Variants in SUPT3H observed in about 807,000 individuals in gnomAD.
The protein encoded by SUPT3H is transcription initiation protein SPT3 homolog.
SUPT3H carries 44 observed loss-of-function variants against 44.3 expected under a neutral mutation model. The ratio of observed to expected loss-of-function variants is 0.99; its 90% CI spans 0.78 to 1.28. SUPT3H has a LOEUF of 1.28. Among genes scored for constraint, SUPT3H ranks in the 50% most tolerant of loss-of-function variants. SUPT3H has a pLI of 0.00. For synonymous variants in SUPT3H, 124 were observed against 125.6 expected (o/e 0.99, Z 0.09); for missense variants, 380 against 387.1 (o/e 0.98, Z 0.15).
At chr6:45,232,278 G>A (rs1768202420) in intron 2 of SUPT3H, among the ~76,000 whole-genome samples, 2 of 152,190 alleles carry the variant, frequency 1.3e-5, no homozygotes, top group African/African-American at 4.8e-5. Flanking sequence ...TTATCGGTGT[G>A]TGCAGTAGTG....
At chr6:45,207,138 G>C (rs1327937368) in intron 2 of SUPT3H, among the ~76,000 whole-genome samples, 1 of 152,140 alleles carries the variant, frequency 6.6e-6, no homozygotes, top group Non-Finnish European at 1.5e-5. Flanking sequence ...ACATCTAGGA[G>C]ATGAGTAGAA....
intron 3 of SUPT3H, among the ~76,000 whole-genome samples, chr6:45,037,804 C>CA (rs201001723): frequency 0.022 from 2,842 of 131,612 alleles, 124 homozygotes; most frequent in East Asian, 0.16. Flanking sequence ...AACTCAGTCT[C>CA]AAAAAAAAAA....
At chr6:45,156,748 A>T (rs988413190) in intron 2 of SUPT3H, among the ~76,000 whole-genome samples, 1 of 150,988 alleles carries the variant, frequency 6.6e-6, no homozygotes, top group Non-Finnish European at 1.5e-5. Flanking sequence ...GTTTTCTCTT[A>T]ATATATATAT....
intron 2 of SUPT3H, among the ~76,000 whole-genome samples, chr6:45,108,282 C>T (rs974209885): frequency 2.6e-5 from 4 of 152,166 alleles, no homozygotes; most frequent in Non-Finnish European, 4.4e-5. Context: ...TTGAGACCAG[C>T]CTGGGCAACA....
intron 10 of SUPT3H, among the ~76,000 whole-genome samples, chr6:44,900,280 A>G (rs1764765820): frequency 6.6e-6 from 1 of 152,204 alleles, no homozygotes; most frequent in African/African-American, 2.4e-5. Flanking sequence ...TAGTCAAAGA[A>G]AGGGGTGACA....
intron 2 of SUPT3H, among the ~76,000 whole-genome samples, chr6:45,220,448 A>G (rs1053421210): frequency 1.3e-5 from 2 of 152,120 alleles, no homozygotes; most frequent in African/African-American, 4.8e-5. Context: ...AACAACCAAA[A>G]AATGACAGCT....
chr6:44,888,566 C>T (rs1044299301), intron 10 of SUPT3H, among the ~76,000 whole-genome samples: 13 of 152,130 alleles, frequency 8.5e-5, no homozygotes, highest in Non-Finnish European at 1.2e-4. Context: ...AATTCAACAA[C>T]CCTTCATGCT....
chr6:45,046,800 T>C (rs1789468328), intron 3 of SUPT3H, among the ~76,000 whole-genome samples: 2 of 152,218 alleles, frequency 1.3e-5, no homozygotes. Context: ...CTGCAATGAA[T>C]CTGTAGAACA....
At chr6:44,997,591 A>G (rs899756752) in intron 6 of SUPT3H, among the ~76,000 whole-genome samples, 14 of 151,972 alleles carry the variant, frequency 9.2e-5, no homozygotes, top group African/African-American at 3.4e-4. Context: ...AGGATTACCA[A>G]AATTAATAAA....
intron 2 of SUPT3H, among the ~76,000 whole-genome samples, chr6:45,224,755 G>GCT (rs1196836020): frequency 6.6e-6 from 1 of 150,498 alleles, no homozygotes; most frequent in Non-Finnish European, 1.5e-5. Flanking sequence ...TCTAGCCTGG[G>GCT]CGAAAGAGTG....
intron 3 of SUPT3H, among the ~76,000 whole-genome samples, chr6:45,067,619 A>G (rs1227501849): frequency 7.1e-6 from 1 of 140,580 alleles, no homozygotes; most frequent in South Asian, 2.1e-4. Flanking sequence ...ATTTACAAGA[A>G]AAAAAAAACA....
chr6:44,946,585 G>T (rs1229069879), intron 9 of SUPT3H, among the ~76,000 whole-genome samples: 1 of 152,168 alleles, frequency 6.6e-6, no homozygotes, highest in Non-Finnish European at 1.5e-5. Flanking sequence ...GGTATAAATG[G>T]CAGGAGAACT....
chr6:44,923,846 C>T (rs1458449307), intron 10 of SUPT3H, among the ~76,000 whole-genome samples: 1 of 151,934 alleles, frequency 6.6e-6, no homozygotes, highest in Non-Finnish European at 1.5e-5. Flanking sequence ...AACAAAAAAA[C>T]AATAAACAAT....
chr6:44,878,574 A>G (rs2153433607), intron 10 of SUPT3H, among the ~76,000 whole-genome samples: 1 of 152,210 alleles, frequency 6.6e-6, no homozygotes, highest in Non-Finnish European at 1.5e-5. Context: ...AGAAACTGGA[A>G]CACTTACGCA....
chr6:44,853,061 A>C (rs535031650), intron 10 of SUPT3H, among the ~76,000 whole-genome samples: 3 of 152,328 alleles, frequency 2.0e-5, no homozygotes, highest in African/African-American at 7.2e-5. Flanking sequence ...GATTAAAGAG[A>C]AATAAGCTTT....
At chr6:45,102,694 C>T (rs1798743833) in intron 3 of SUPT3H, among the ~76,000 whole-genome samples, 1 of 152,100 alleles carries the variant, frequency 6.6e-6, no homozygotes, top group South Asian at 2.1e-4. Flanking sequence ...GTAATCGCAG[C>T]ACTTTGGGAG....
chr6:45,070,752 A>AAAG (rs1343452785), intron 3 of SUPT3H, among the ~76,000 whole-genome samples: 3 of 151,364 alleles, frequency 2.0e-5, no homozygotes, highest in Non-Finnish European at 4.4e-5. Flanking sequence ...AAAAAAAAAA[A>AAAG]AAAAAAAGAA....
chr6:45,282,286 A>C (rs1284966141), intron 2 of SUPT3H, among the ~76,000 whole-genome samples: 2 of 151,960 alleles, frequency 1.3e-5, no homozygotes, highest in Non-Finnish European at 2.9e-5. Context: ...AATCAAACTA[A>C]TCCGAGCTAA....
chr6:44,975,169 T>TCAAA (rs112143344), intron 6 of SUPT3H, among the ~76,000 whole-genome samples: 76,797 of 150,510 alleles, frequency 0.51, 20,239 homozygotes, highest in East Asian at 0.7. Flanking sequence ...AGACTCCATC[T>TCAAA]CAAACAAACA....
Sources: gnomAD v4.1 joint callset for allele counts (sites outside exome capture counted in the v4.1 genomes callset) on GRCh38, gnomAD v4.1.1 for gene constraint, MANE v1.5 for transcripts, NCBI Gene and HGNC (gene_info 2026-07-23, HGNC 2026-07-21) for gene names.